The following LCK variants were observed in gnomAD, a reference collection of about 807,000 sequenced individuals.
The protein encoded by LCK is tyrosine-protein kinase Lck.
Under a neutral mutation model 64.6 loss-of-function variants are expected in LCK, and 14 were observed. The observed-to-expected ratio is 0.22, with a 90% CI of 0.14 to 0.34. The LOEUF (loss-of-function observed/expected upper bound fraction) is 0.34. Ranked by LOEUF, LCK falls within the 10% of genes least tolerant of loss-of-function variation. The pLI, the probability that LCK is intolerant of heterozygous loss-of-function variation, is 1.00. For missense variants in LCK, 434 were observed against 668.1 expected, an observed-to-expected ratio of 0.65 and a Z score of 3.86; for synonymous variants, 277 against 263.6, an observed-to-expected ratio of 1.05 and a Z score of -0.49.
In LCK at chr1:32,274,317, T is replaced by C; in HGVS notation, c.-5-8T>C. 6.2e-7 allele frequency: 1 copy of C among 1,613,978 alleles called. No individual in the cohort carries two copies. Among genetic ancestry groups the C allele is most frequent in the Non-Finnish European group, 8.5e-7 (1 of 1,179,962 alleles). ...GAGCCCCTTCAGCCCCCTCTTCCAT[T>C]CCCTCAGGGACCATGGGCTGTGGCT... On this transcript the variant is annotated splice_region_variant and splice_polypyrimidine_tract_variant and intron_variant, in intron 1 of 12. Transcript: ENST00000336890.
At chr1:32,280,312 A>G in intron 12 of LCK, 102 bp downstream of exon 12, 2 of 1,444,896 alleles carry the variant, frequency 1.4e-6, no homozygotes, top group South Asian at 1.3e-5. Flanking sequence ...TTGTAGCTGC[A>G]TCTCCTCTAT....
At chr1:32,254,637 C>T (rs1264089628) in intron 1 of LCK, among the ~76,000 whole-genome samples, 9 of 152,108 alleles carry the variant, frequency 5.9e-5, no homozygotes, top group East Asian at 1.9e-4. Context: ...CTCAGCCTCC[C>T]GAGTAGCTGG....
intron 1 of LCK, among the ~76,000 whole-genome samples, chr1:32,267,299 G>A (rs1201852648): frequency 6.6e-6 from 1 of 152,122 alleles, no homozygotes; most frequent in African/African-American, 2.4e-5. Flanking sequence ...TTCCTGGAAA[G>A]TTTCTTGATT....
intron 12 of LCK, among the ~76,000 whole-genome samples, chr1:32,284,791 C>G (rs1308902193): frequency 6.6e-6 from 1 of 152,192 alleles, no homozygotes. Flanking sequence ...CCCAAGGTTC[C>G]ACAACTAACA....
intron 1 of LCK, chr1:32,269,579 G>T (rs959863057): frequency 3.3e-5 from 5 of 150,638 alleles, no homozygotes; most frequent in Admixed American, 3.3e-4. Flanking sequence ...GATTACAGGC[G>T]CGCACCACCA....
In LCK at chr1:32,274,770, C is replaced by G. The variant is rs778252394; in HGVS notation, c.139C>G (p.Pro47Ala). Reference sequence around the variant, plus strand: ...CCGAAATGGCTCTGAGGTGCGGGACCCACTGGTTACCTACGAAGGCTCCAA... The same window carrying G: ...CCGAAATGGCTCTGAGGTGCGGGACGCACTGGTTACCTACGAAGGCTCCAA... ...LIRNGSEVRD[P>A]LVTYEGSNPP... The change falls in exon 3 of 13, where the codon CCA becomes GCA. Residue 47 changes from proline (P) to alanine (A), a missense_variant. By Grantham distance (27) the Pro-to-Ala change is conservative (BLOSUM62 -1). Transcript: ENST00000336890. 2.5e-6 allele frequency: 4 copies of G among 1,609,720 alleles called. No homozygotes were observed. The highest frequency in any genetic ancestry group is 3.4e-6 in the Non-Finnish European group (4 of 1,177,412).
chr1:32,279,821 G>A lies in LCK; in HGVS notation c.1042-20G>A. On this transcript the variant is annotated intron_variant, in intron 10 of 12. Transcript: ENST00000336890. ...TGAAGACATCTGGCTCAGGACCGCT[G>A]ATCTGTGTTTGGCCTGCAGATTGCA... 6.2e-7 allele frequency: 1 copy of A among 1,613,886 alleles called. No homozygotes were observed.
chr1:32,276,683 C>G lies in LCK; in HGVS notation c.861C>G (p.Ala287=). 2 of 1,614,054 alleles carry G rather than the reference C, an allele frequency of 1.2e-6. No individual in the cohort carries two copies. The highest frequency in any genetic ancestry group is 1.1e-5 in the South Asian group (1 of 91,062). The change falls in exon 9 of 13, where the codon GCC becomes GCG. Residue 287 remains alanine, a synonymous_variant. Coordinates refer to ENST00000336890, the MANE Select transcript of LCK (RefSeq NM_005356.5). The surrounding 1 kb of genome is among the most constrained non-coding windows in gnomAD (Gnocchi z 4.6). Reference sequence around the variant, plus strand: ...GCATGTCCCCGGACGCCTTCCTGGCCGAGGCCAACCTCATGAAGCAGCTGC... The same window carrying G: ...GCATGTCCCCGGACGCCTTCCTGGCGGAGGCCAACCTCATGAAGCAGCTGC... ...QGSMSPDAFL[A]EANLMKQLQH...
chr1:32,251,385 G>A lies in LCK; in HGVS notation c.-6+14G>A, dbSNP rs13312997. On this transcript the variant is annotated intron_variant, in intron 1 of 12. Coordinates refer to ENST00000336890, the MANE Select transcript of LCK (RefSeq NM_005356.5). This position sits in a 1 kb window ranked among gnomAD's most constrained non-coding sequence, Gnocchi z 4.0. The stretch of plus-strand genomic sequence containing the variant: ...CGGGCTGGGCAGGTAAGGAGCGCTG[G>A]TATTGGGGGCGCAGGCGCCGGGGTG... The A allele has an allele frequency of 4.4e-3, 681 of 153,954 alleles. 3 individuals are homozygous for A. The highest frequency in any genetic ancestry group is 8.4e-3 in the Admixed American group (129 of 15,324). The allele number at this position is 153,954 out of a possible 1,614,324, so 9.5% of individuals were successfully genotyped here. A position where few individuals can be genotyped will look rare whatever the true frequency, so the allele number is the denominator to read the frequency against.
At chr1:32,257,434 T>G (rs1639657891) in intron 1 of LCK, among the ~76,000 whole-genome samples, 2 of 151,820 alleles carry the variant, frequency 1.3e-5, no homozygotes, top group Non-Finnish European at 2.9e-5. Flanking sequence ...ATTTTTTTTG[T>G]ACCGACGGGG....
In LCK at chr1:32,270,476, C is replaced by A. The variant is rs547804143; in HGVS notation, c.-5-3849C>A. Among the ~76,000 whole-genome samples, 293 of 151,700 alleles carry A rather than the reference C, an allele frequency of 1.9e-3. 1 individual carries two copies. The highest frequency in any genetic ancestry group is 6.6e-3 in the African/African-American group (273 of 41,318). On this transcript the variant is annotated intron_variant, in intron 1 of 12. Coordinates refer to ENST00000336890, the MANE Select transcript of LCK (RefSeq NM_005356.5). ...GTGGCTTGATCTCGGCTCACTGCAA[C>A]CTCTGCCTCCCGGGTTCAAGTGATT...
At chr1:32,262,492 G>A (rs1279731488) in intron 1 of LCK, among the ~76,000 whole-genome samples, 2 of 149,828 alleles carry the variant, frequency 1.3e-5, no homozygotes, top group African/African-American at 2.5e-5. Flanking sequence ...GCGCGATCTC[G>A]GCTCACTGCA....
At chr1:32,273,050 C>T (rs1640152801) in intron 1 of LCK, among the ~76,000 whole-genome samples, 1 of 125,270 alleles carries the variant, frequency 8.0e-6, no homozygotes, top group Admixed American at 8.9e-5. Flanking sequence ...GTGTGTGTTC[C>T]TGGGTGTGGG....
chr1:32,259,898 G>A (rs1639725422), intron 1 of LCK, among the ~76,000 whole-genome samples: 1 of 152,000 alleles, frequency 6.6e-6, no homozygotes, highest in African/African-American at 2.4e-5. Flanking sequence ...GCTTGATATT[G>A]TCATGAGGGT....
At chr1:32,283,232 T>C (rs1316571658) in intron 12 of LCK, among the ~76,000 whole-genome samples, 1 of 142,600 alleles carries the variant, frequency 7.0e-6, no homozygotes, top group Non-Finnish European at 1.5e-5. Context: ...GAGGTTGCAG[T>C]GAGCCGAGAC....
At chr1:32,272,101 T>C (rs1036067142) in intron 1 of LCK, among the ~76,000 whole-genome samples, 1 of 151,414 alleles carries the variant, frequency 6.6e-6, no homozygotes, top group Non-Finnish European at 1.5e-5. Context: ...CTGGCCAACA[T>C]GGTGAAACCC....
chr1:32,280,232 TGAAAGGG>T, intron 12 of LCK, 22 bp downstream of exon 12: 2 of 1,613,536 alleles, frequency 1.2e-6, no homozygotes, highest in Non-Finnish European at 1.7e-6. Context: ...GGGCAGGAAC[TGAAAGGG>T]TGATGGGAAG....
At chr1:32,277,192 G>C (rs1271897504) in intron 9 of LCK, 1 of 141,168 alleles carries the variant, frequency 7.1e-6, no homozygotes, top group African/African-American at 2.7e-5. Flanking sequence ...CTCCAGCCTG[G>C]GTGACAGAGC....
chr1:32,273,423 AGT>A, intron 1 of LCK, among the ~76,000 whole-genome samples: 1 of 150,626 alleles, frequency 6.6e-6, no homozygotes, highest in Non-Finnish European at 1.5e-5. Flanking sequence ...TGTGTGAGAG[AGT>A]GTGTGTGTGG....
Sources: allele counts gnomAD v4.1 joint callset (sites outside exome capture counted in the v4.1 genomes callset), GRCh38; gene constraint gnomAD v4.1.1; non-coding constraint Gnocchi (gnomAD v3.1); transcripts MANE v1.5; gene names NCBI Gene and HGNC (gene_info 2026-07-23, HGNC 2026-07-21).